DENND1B: variants seen among roughly 807,000 people sequenced by gnomAD.
DENND1B encodes DENN domain containing 1B, also known as DENN domain-containing protein 1B.
Under a neutral mutation model 90.1 loss-of-function variants are expected in DENND1B, and 59 were observed. The observed-to-expected ratio is 0.65, with a 90% confidence interval of 0.53 to 0.81. The LOEUF (loss-of-function observed/expected upper bound fraction) is 0.81. DENND1B is among the 40% of genes least tolerant of loss of function. The probability of loss-of-function intolerance (pLI) is 0.00; values close to 1 mark genes in which losing one functional copy is unlikely to be tolerated. For synonymous variants in DENND1B, 337 were observed against 324.6 expected, an observed-to-expected ratio of 1.04 and a Z score of -0.41; for missense variants, 862 against 912.6, an observed-to-expected ratio of 0.94 and a Z score of 0.71.
intron 2 of DENND1B, among the ~76,000 whole-genome samples, chr1:197,763,738 G>A (rs544040189): frequency 2.6e-5 from 4 of 152,158 alleles, no homozygotes; most frequent in East Asian, 1.9e-4. Context: ...ACAACTACCC[G>A]CAAGATCTCC....
chr1:197,570,403 A>G (rs965257846), intron 15 of DENND1B, among the ~76,000 whole-genome samples: 1 of 152,196 alleles, frequency 6.6e-6, no homozygotes, highest in Admixed American at 6.5e-5. Context: ...TTTCCTCACA[A>G]TAACAATATA....
intron 15 of DENND1B, among the ~76,000 whole-genome samples, chr1:197,563,098 A>T (rs1406636105): frequency 6.6e-6 from 1 of 152,030 alleles, no homozygotes. Context: ...ATCTCTACAC[A>T]TAAAAGTACA....
At chr1:197,620,401 C>A (rs543147492) in intron 10 of DENND1B, among the ~76,000 whole-genome samples, 131 of 151,344 alleles carry the variant, frequency 8.7e-4, no homozygotes, top group African/African-American at 3.1e-3. Flanking sequence ...ACAAATATAA[C>A]CATGTCTCAG....
rs148909473 is a variant in DENND1B at position 197,748,163 on chromosome 1, G to A, written c.82+24705C>T. On this transcript the variant is annotated intron_variant, in intron 2 of 22. Coordinates refer to ENST00000620048, the MANE Select transcript of DENND1B (RefSeq NM_001195215.2). ...CCAACAAAACAAAATGTGATACTTAGTTAAAAAAGATAAATTTCAAACGGT... is the reference window on the plus strand; with the variant it reads ...CCAACAAAACAAAATGTGATACTTAATTAAAAAAGATAAATTTCAAACGGT... Among the ~76,000 whole-genome samples, 149 of 151,350 alleles carry A rather than the reference G, an allele frequency of 9.8e-4. 1 individual carries two copies. The highest frequency in any genetic ancestry group is 3.5e-3 in the African/African-American group (145 of 41,268).
intron 14 of DENND1B, 120 bp from the exon 15 acceptor site, chr1:197,583,373 T>C: frequency 1.3e-6 from 1 of 798,120 alleles, no homozygotes. Context: ...CAACAGACCC[T>C]TCCTTACACA....
intron 6 of DENND1B, among the ~76,000 whole-genome samples, chr1:197,655,063 CT>C (rs1653660794): frequency 6.6e-6 from 1 of 152,148 alleles, no homozygotes; most frequent in Non-Finnish European, 1.5e-5. Flanking sequence ...TGATTGTATA[CT>C]GAAAAGCTGA....
rs71131771 is a variant in DENND1B at position 197,529,203 on chromosome 1, G to GATAT, written c.1515+10757_1515+10760dup. Among the ~76,000 whole-genome samples the GATAT allele has an allele frequency of 2.0e-3, 235 of 117,212 alleles. 1 individual carries two copies. Among genetic ancestry groups the GATAT allele is most frequent in the African/African-American group, 6.6e-3 (170 of 25,792 alleles). 76.9% of individuals were successfully genotyped at this position (117,212 alleles called of 152,430 possible). A position where few individuals can be genotyped will look rare whatever the true frequency, so the allele number is the denominator to read the frequency against. ...TTCCCGACATGAAATAGTTAAGAGT[G>GATAT]ATATATATATATATATATATATATA... On this transcript the variant is annotated intron_variant, in intron 20 of 22. Coordinates refer to ENST00000620048, the MANE Select transcript of DENND1B (RefSeq NM_001195215.2).
intron 3 of DENND1B, among the ~76,000 whole-genome samples, chr1:197,707,882 G>T (rs1382673766): frequency 6.7e-6 from 1 of 149,594 alleles, no homozygotes; most frequent in Non-Finnish European, 1.5e-5. Context: ...CACCGTGCGC[G>T]AGCCGAAGCA....
intron 2 of DENND1B, among the ~76,000 whole-genome samples, chr1:197,770,189 T>A (rs1455518327): frequency 1.3e-5 from 2 of 152,154 alleles, no homozygotes; most frequent in Admixed American, 6.5e-5. Flanking sequence ...TTTAGCCATA[T>A]AGAATGGATT....
At chr1:197,575,254 A>C (rs2359117) in intron 15 of DENND1B, among the ~76,000 whole-genome samples, 144,239 of 151,728 alleles carry the variant, frequency 0.95, 68,929 homozygotes, top group Non-Finnish European at 1. Context: ...AAAAAAAAAA[A>C]CCATTAAAAA....
chr1:197,609,570 A>G lies in DENND1B; in HGVS notation c.819+2361T>C, dbSNP rs189664054. Among the ~76,000 whole-genome samples, 102 of 150,704 alleles carry G rather than the reference A, an allele frequency of 6.8e-4. 1 individual carries two copies. The highest frequency in any genetic ancestry group is 3.8e-3 in the Admixed American group (58 of 15,068). On this transcript the variant is annotated intron_variant, in intron 12 of 22. Transcript: ENST00000620048. ...ATTTGTATTTTAAAAAGATCTGGCC[A>G]TCCTTTACTCATAATTTCATTAAAA...
At chr1:197,522,012 A>G (rs186291423) in intron 20 of DENND1B, among the ~76,000 whole-genome samples, 1 of 152,172 alleles carries the variant, frequency 6.6e-6, no homozygotes, top group Non-Finnish European at 1.5e-5. Flanking sequence ...TAACTATGCT[A>G]GATAAATAAG....
intron 20 of DENND1B, among the ~76,000 whole-genome samples, chr1:197,515,020 C>T (rs1020553091): frequency 1.3e-5 from 2 of 151,646 alleles, no homozygotes; most frequent in African/African-American, 2.4e-5. Flanking sequence ...GAGACTTCAA[C>T]CATGACACCA....
At chr1:197,624,898 A>G (rs1434061430) in intron 10 of DENND1B, among the ~76,000 whole-genome samples, 2 of 151,952 alleles carry the variant, frequency 1.3e-5, no homozygotes, top group Non-Finnish European at 2.9e-5. Flanking sequence ...GATGCGATCA[A>G]CTGGAAGAAA....
intron 7 of DENND1B, among the ~76,000 whole-genome samples, chr1:197,647,775 C>T (rs1009289364): frequency 6.6e-6 from 1 of 151,682 alleles, no homozygotes; most frequent in African/African-American, 2.4e-5. Flanking sequence ...ATGGTGAAAC[C>T]CCATCTCTAC....
the DENND1B span, among the ~76,000 whole-genome samples, chr1:197,780,935 G>A: frequency 6.6e-6 from 1 of 152,042 alleles, no homozygotes; most frequent in Non-Finnish European, 1.5e-5. Flanking sequence ...TGAGCCAACT[G>A]CCCTGATTTC....
chr1:197,641,912 TAATC>T (rs1453044719), intron 10 of DENND1B, among the ~76,000 whole-genome samples: 4 of 152,114 alleles, frequency 2.6e-5, no homozygotes, highest in Non-Finnish European at 5.9e-5. Context: ...ATTTATCAAT[TAATC>T]AAATTTGTGA....
intron 2 of DENND1B, chr1:197,757,323 G>C (rs917304358): frequency 6.6e-6 from 1 of 151,972 alleles, no homozygotes; most frequent in Admixed American, 6.6e-5. Flanking sequence ...AAACAACAGT[G>C]AACAAAAGCA....
chr1:197,646,522 T>C (rs1380832031), intron 8 of DENND1B, among the ~76,000 whole-genome samples: 1 of 151,962 alleles, frequency 6.6e-6, no homozygotes, highest in Non-Finnish European at 1.5e-5. Flanking sequence ...TTATTTTCTG[T>C]TCATATTAAT....
Sources: gnomAD v4.1 joint callset for allele counts (sites outside exome capture counted in the v4.1 genomes callset) on GRCh38, gnomAD v4.1.1 for gene constraint, MANE v1.5 for transcripts, NCBI Gene and HGNC (gene_info 2026-07-23, HGNC 2026-07-21) for gene names.